MYH14: variants seen among roughly 807,000 people sequenced by gnomAD.
MYH14 encodes the protein myosin-14.
MYH14 carries 123 observed loss-of-function variants against 255.5 expected under a neutral mutation model. The observed-to-expected ratio is 0.48, with a 90% CI of 0.42 to 0.56. The LOEUF (loss-of-function observed/expected upper bound fraction) is 0.56, where lower values mean the gene tolerates loss of function less well. MYH14 is among the 20% of genes least tolerant of loss of function. MYH14 has a pLI of 0.00. For synonymous variants in MYH14, 1,095 were observed against 1,161.2 expected (o/e 0.94, Z 1.16); for missense variants, 2,423 against 2,802.3 (o/e 0.86, Z 3.06).
In MYH14 at chr19:50,221,508, C is replaced by T. The variant is rs2032818384; in HGVS notation, c.563-1575C>T. On this transcript the variant is annotated intron_variant, in intron 3 of 42. Coordinates refer to ENST00000642316, the MANE Select transcript of MYH14 (RefSeq NM_001145809.2). The surrounding 1 kb of genome is among the most constrained non-coding windows in gnomAD (Gnocchi z 5.3). ...TTATTTATTTAGAGACGGAGCCTCA[C>T]TCTTGTCACCCAGGCTGGAGTGCAA... 6.6e-6 allele frequency among the ~76,000 whole-genome samples: 1 copy of T among 152,164 alleles called. No homozygotes were observed. The highest frequency in any genetic ancestry group is 1.5e-5 in the Non-Finnish European group (1 of 68,030).
chr19:50,249,098 T>C lies in MYH14; in HGVS notation c.1441T>C (p.Phe481Leu). ...LDRSPRQGAS[F>L]LGILDIAGFE... ...CCGCAGCCCCCGCCAAGGCGCCTCC[T>C]TCCTGGGCATCCTGGACATCGCGGG... The change falls in exon 13 of 43, where the codon TTC becomes CTC. Residue 481 changes from phenylalanine to leucine, a missense_variant. This residue lies in a region of MYH14 where 672 missense variants were observed against 881.8 expected (regional missense o/e 0.76). Coordinates refer to ENST00000642316, the MANE Select transcript of MYH14 (RefSeq NM_001145809.2). 6.2e-7 allele frequency: 1 copy of C among 1,600,834 alleles called. No homozygotes were observed. Among genetic ancestry groups the C allele is most frequent in the Non-Finnish European group, 8.5e-7 (1 of 1,174,064 alleles).
chr19:50,210,765 A>G lies in MYH14; in HGVS notation c.400A>G (p.Ile134Val), dbSNP rs1325011543. ...CCGGGAGCGGTACTACTCCGGCCTC[A>G]TCTACGTGAGTGGGCTCCTGCTGGG... Reference protein sequence around the residue: ...NLRERYYSGLIYTYSGLFCVV... With the variant: ...NLRERYYSGLVYTYSGLFCVV... The change falls in exon 2 of 43, where the codon ATC (isoleucine) becomes GTC (valine). Residue 134 changes from isoleucine to valine, a missense_variant. Around this residue, in one of 3 missense-constraint regions of MYH14, gnomAD observed 238 missense variants for 245.8 expected, o/e 0.97. Coordinates refer to ENST00000642316, the MANE Select transcript of MYH14 (RefSeq NM_001145809.2). The G allele has an allele frequency of 1.3e-6, 2 of 1,568,822 alleles. No homozygotes were observed. Among genetic ancestry groups the G allele is most frequent in the Non-Finnish European group, 1.7e-6 (2 of 1,158,960 alleles).
intron 6 of MYH14, among the ~76,000 whole-genome samples, chr19:50,224,654 C>G (rs2033008291): frequency 1.3e-5 from 2 of 152,178 alleles, no homozygotes; most frequent in African/African-American, 4.8e-5. Flanking sequence ...CTACTGTGTG[C>G]CAGGCTCTGA....
In MYH14 at chr19:50,278,254, C is replaced by G. The variant is rs577038007; in HGVS notation, c.3997C>G (p.Arg1333Gly). 7.2e-5 allele frequency: 114 copies of G among 1,582,204 alleles called. 3 individuals are homozygous for G. Among genetic ancestry groups the G allele is most frequent in the South Asian group, 6.6e-4 (57 of 86,808 alleles). ...CCGGGCTGGTGATGGGGAGAGGGCA[C>G]GAGCGGAGGCTGCTGAGAAGCTGCA... ...QGRAGDGERA[R>G]AEAAEKLQRA... The change falls in exon 30 of 43, where the codon CGA (arginine) becomes GGA (glycine). Residue 1333 changes from arginine (R) to glycine (G), a missense_variant. By Grantham distance (125) the Arg-to-Gly change is moderately radical (BLOSUM62 -2). Coordinates refer to ENST00000642316, the MANE Select transcript of MYH14 (RefSeq NM_001145809.2).
intron 11 of MYH14, among the ~76,000 whole-genome samples, 193 bp from the exon 12 acceptor site, chr19:50,246,811 C>T (rs2034146779): frequency 6.6e-6 from 1 of 152,144 alleles, no homozygotes; most frequent in Non-Finnish European, 1.5e-5. Context: ...GTTATTTTGC[C>T]AGTGCTGGTT....
Position 50,225,687 on chromosome 19 carries a change from A to C in MYH14, c.810+10A>C. 6.2e-7 allele frequency: 1 copy of C among 1,606,994 alleles called. No individual in the cohort carries two copies. Among genetic ancestry groups the C allele is most frequent in the Non-Finnish European group, 8.5e-7 (1 of 1,174,546 alleles). The stretch of plus-strand genomic sequence containing the variant: ...CAACTCCTCCCGATTCGTGAGTGCC[A>C]GGGGTGGGCAGTGCTGGCTGTGTCA... On this transcript the variant is annotated intron_variant, in intron 7 of 42. Transcript: ENST00000642316.
chr19:50,234,174 T>G (rs2033550156), intron 10 of MYH14, among the ~76,000 whole-genome samples: 1 of 152,156 alleles, frequency 6.6e-6, no homozygotes, highest in Non-Finnish European at 1.5e-5. Context: ...GTAATGACCC[T>G]GTTTCCAATA....
rs771678694 is a variant in MYH14, at chr19:50,309,147, G to A, written c.5930G>A (p.Arg1977His). The change falls in exon 42 of 43, where the codon CGT becomes CAT. Residue 1977 changes from arginine (R) to histidine (H), a missense_variant. Arg to His is a conservative substitution (Grantham distance 29). This residue lies in a region of MYH14 where 1,513 missense variants were observed against 1,674.8 expected (regional missense o/e 0.90). Transcript: ENST00000642316. ...DVTESAESMNREVTTLRNRLR... is the reference protein window; with the variant it reads ...DVTESAESMNHEVTTLRNRLR... ...ACAGAGTCGGCCGAGTCCATGAACC[G>A]TGAAGTGACCACACTGAGGAACCGG... The A allele has an allele frequency of 6.8e-6, 11 of 1,613,860 alleles. No homozygotes were observed. Among genetic ancestry groups the A allele is most frequent in the Non-Finnish European group, 9.3e-6 (11 of 1,179,804 alleles).
chr19:50,210,137 C>A (rs2032089948), intron 1 of MYH14, among the ~76,000 whole-genome samples: 1 of 147,450 alleles, frequency 6.8e-6, no homozygotes, highest in African/African-American at 2.5e-5. Context: ...AAGAACTGAC[C>A]CTCTGAGCCT....
chr19:50,274,863 C>T (rs1291387974), intron 27 of MYH14, among the ~76,000 whole-genome samples: 1 of 150,180 alleles, frequency 6.7e-6, no homozygotes. Flanking sequence ...CCTGGGAAGT[C>T]GAGGCTGCAG....
At chr19:50,244,783 G>GTTTGTTTTT (rs2034037370) in intron 11 of MYH14, among the ~76,000 whole-genome samples, 1 of 151,994 alleles carries the variant, frequency 6.6e-6, no homozygotes, top group Non-Finnish European at 1.5e-5. Flanking sequence ...GTGCCTGGCC[G>GTTTGTTTTT]ATTTCCTGCT....
At position 50,293,153 on chromosome 19, in the gene MYH14, G is replaced by A. The variant is rs2036142759; in HGVS notation, c.5257-80G>A. 3 of 1,003,086 alleles carry A rather than the reference G, an allele frequency of 3.0e-6. No individual in the cohort carries two copies. The highest frequency in any genetic ancestry group is 1.6e-5 in the African/African-American group (1 of 62,448). 62.1% of individuals were successfully genotyped at this position (1,003,086 alleles called of 1,614,324 possible). On this transcript the variant is annotated intron_variant, in intron 37 of 42. Coordinates refer to ENST00000642316, the MANE Select transcript of MYH14 (RefSeq NM_001145809.2). The surrounding 1 kb of genome is among the most constrained non-coding windows in gnomAD (Gnocchi z 4.1). ...AGAAAAAAGCCAAGAGCCTTGAGGT[G>A]TGAGGGACAGAGAAAGGGGTGAGAC...
At chr19:50,253,381 T>G (rs915614282) in intron 16 of MYH14, among the ~76,000 whole-genome samples, 1 of 151,886 alleles carries the variant, frequency 6.6e-6, no homozygotes, top group African/African-American at 2.4e-5. Flanking sequence ...AGGTAGAGGT[T>G]TCAGTGAGCC....
chr19:50,302,802 T>C (rs1375454719), intron 40 of MYH14, among the ~76,000 whole-genome samples: 1 of 151,898 alleles, frequency 6.6e-6, no homozygotes, highest in Non-Finnish European at 1.5e-5. Flanking sequence ...CTCGGGAGGC[T>C]GAGGCAGGAG....
Position 50,219,748 on chromosome 19 carries a change from A to G in MYH14, c.562+1977A>G, listed in dbSNP as rs142950525. 3.1e-3 allele frequency among the ~76,000 whole-genome samples: 463 copies of G among 151,002 alleles called. 2 individuals carry two copies. The highest frequency in any genetic ancestry group is 0.011 in the African/African-American group (448 of 40,304). ...CCAAGGGGCTGCCATTCATACCATG[A>G]CAACATAGATCAGTCCTGGCAGAAT... On this transcript the variant is annotated intron_variant, in intron 3 of 42. Coordinates refer to ENST00000642316, the MANE Select transcript of MYH14 (RefSeq NM_001145809.2).
At position 50,293,087 on chromosome 19, in the gene MYH14, G is replaced by T. The variant is rs1225524307; in HGVS notation, c.5257-146G>T. The T allele has an allele frequency of 4.0e-5, 27 of 675,228 alleles. No individual in the cohort carries two copies. Among genetic ancestry groups the T allele is most frequent in the Non-Finnish European group, 7.3e-5 (27 of 369,448 alleles). 41.8% of individuals were successfully genotyped at this position (675,228 alleles called of 1,614,324 possible). A position where few individuals can be genotyped will look rare whatever the true frequency, so the allele number is the denominator to read the frequency against. On this transcript the variant is annotated intron_variant, in intron 37 of 42. Coordinates refer to ENST00000642316, the MANE Select transcript of MYH14 (RefSeq NM_001145809.2). The surrounding 1 kb of genome is among the most constrained non-coding windows in gnomAD (Gnocchi z 4.1). ...CAGGAGACAGATTTAGGAGACATCT[G>T]TAGGTTGCAGCTCATTCCAGGGTTA...
At chr19:50,233,875 G>A (rs963645846) in intron 10 of MYH14, among the ~76,000 whole-genome samples, 1 of 144,886 alleles carries the variant, frequency 6.9e-6, no homozygotes, top group African/African-American at 2.6e-5. Flanking sequence ...AGTGCAAGTG[G>A]TGCAATCTCG....
chr19:50,276,909 GGGGCAGGGGGACA>G lies in MYH14; in HGVS notation c.3825+19_3825+31del, dbSNP rs1568529908. The G allele has an allele frequency of 1.9e-6, 3 of 1,601,324 alleles. No individual in the cohort carries two copies. Among genetic ancestry groups the G allele is most frequent in the African/African-American group, 1.3e-5 (1 of 74,748 alleles). Reference sequence around the variant, plus strand: ...CTGGAGCAGGCCCGGAGGGTGGGTTGGGGCAGGGGGACAGGGCAGGGGGGCCACGGGGAGGGCA... The same window carrying G: ...CTGGAGCAGGCCCGGAGGGTGGGTTGGGGCAGGGGGGCCACGGGGAGGGCA... On this transcript the variant is annotated intron_variant, in intron 29 of 42. Coordinates refer to ENST00000642316, the MANE Select transcript of MYH14 (RefSeq NM_001145809.2). The surrounding 1 kb of genome is among the most constrained non-coding windows in gnomAD (Gnocchi z 4.3).
intron 3 of MYH14, among the ~76,000 whole-genome samples, chr19:50,219,805 C>T (rs2032716845): frequency 6.6e-6 from 1 of 152,028 alleles, no homozygotes; most frequent in African/African-American, 2.4e-5. Context: ...AGATATAATG[C>T]CCTTATTATA....
Sources: allele counts gnomAD v4.1 joint callset (sites outside exome capture counted in the v4.1 genomes callset), GRCh38; gene constraint gnomAD v4.1.1; regional missense constraint gnomAD v4.1.1; non-coding constraint Gnocchi (gnomAD v3.1); transcripts MANE v1.5; gene names NCBI Gene and HGNC (gene_info 2026-07-23, HGNC 2026-07-21).